SORCS3: variants seen among roughly 807,000 people sequenced by gnomAD.
SORCS3 encodes VPS10 domain-containing receptor SorCS3.
SORCS3 carries 57 observed loss-of-function variants against 146.3 expected under a neutral mutation model. That is an observed-to-expected ratio of 0.39 (90% CI 0.31 to 0.49). SORCS3 has a LOEUF of 0.49. Among genes scored for constraint, SORCS3 ranks in the 20% least tolerant of loss-of-function variants. SORCS3 has a pLI of 0.92. For missense variants in SORCS3, 1,341 were observed against 1,575.5 expected, an observed-to-expected ratio of 0.85 and a Z score of 2.52; for synonymous variants, 653 against 618.5, an observed-to-expected ratio of 1.06 and a Z score of -0.83.
intron 4 of SORCS3, among the ~76,000 whole-genome samples, chr10:104,983,299 C>G (rs553919413): frequency 5.9e-5 from 9 of 151,376 alleles, no homozygotes; most frequent in African/African-American, 1.9e-4. Context: ...ATGCACCGCA[C>G]CCAGCCCCAA....
chr10:104,910,892 G>C (rs1202917183), intron 2 of SORCS3, among the ~76,000 whole-genome samples: 1 of 152,362 alleles, frequency 6.6e-6, no homozygotes, highest in East Asian at 1.9e-4. Context: ...AATTCAGAAT[G>C]GTAACTGGCA....
At chr10:104,803,083 A>G (rs544708162) in intron 1 of SORCS3, among the ~76,000 whole-genome samples, 1 of 152,328 alleles carries the variant, frequency 6.6e-6, no homozygotes, top group Admixed American at 6.5e-5. Flanking sequence ...TCATTGTCAC[A>G]TGCATGCTGA....
intron 1 of SORCS3, among the ~76,000 whole-genome samples, chr10:104,805,063 C>G (rs2017665997): frequency 6.6e-6 from 1 of 152,202 alleles, no homozygotes; most frequent in Non-Finnish European, 1.5e-5. Context: ...TAATACACCT[C>G]ACTCACACAT....
At chr10:104,987,225 A>C (rs559356840) in intron 4 of SORCS3, among the ~76,000 whole-genome samples, 2 of 152,240 alleles carry the variant, frequency 1.3e-5, no homozygotes, top group Middle Eastern at 3.4e-3. Flanking sequence ...AAGGGAGAAA[A>C]AAGGAATGAG....
chr10:104,683,834 T>C (rs1176828948), intron 1 of SORCS3, among the ~76,000 whole-genome samples: 1 of 152,136 alleles, frequency 6.6e-6, no homozygotes, highest in Non-Finnish European at 1.5e-5. Flanking sequence ...GCTGCATGTG[T>C]TTGGTAAGCA....
chr10:104,667,249 C>T (rs963839416), intron 1 of SORCS3, among the ~76,000 whole-genome samples: 26 of 152,162 alleles, frequency 1.7e-4, no homozygotes, highest in African/African-American at 5.1e-4. Flanking sequence ...CTGACTTTCC[C>T]GAGCTCACGT....
rs1450387181 is a variant in SORCS3, at chr10:104,722,770, G to A, written c.627+80816G>A. 4.6e-5 allele frequency among the ~76,000 whole-genome samples: 7 copies of A among 152,272 alleles called. No homozygotes were observed. The East Asian group carries it at 1.2e-3, about 25-fold the overall frequency. On this transcript the variant is annotated intron_variant, in intron 1 of 26. Transcript: ENST00000369701. ...GATTTTCTGGTTTATTTGCATAGAG[G>A]TGTTTATAGTATTCTCTGATGGTAG... is the stretch of plus-strand genomic sequence containing the variant.
In SORCS3 at chr10:105,238,048, C is replaced by T. The variant is rs1172983661; in HGVS notation, c.2869-7494C>T. Among the ~76,000 whole-genome samples the T allele has an allele frequency of 2.6e-5, 4 of 152,184 alleles. No homozygotes were observed. In the South Asian group the frequency reaches 8.3e-4, roughly 32 times the overall value. On this transcript the variant is annotated intron_variant, in intron 20 of 26. Transcript: ENST00000369701. ...CTCCATACCTTCAAGGAGATTATGT[C>T]CCCAATAAGAAAGCACAATGAGCAC...
intron 16 of SORCS3, among the ~76,000 whole-genome samples, chr10:105,207,697 A>T (rs1277236058): frequency 1.3e-5 from 2 of 152,218 alleles, no homozygotes; most frequent in African/African-American, 4.8e-5. Flanking sequence ...AGAAGTCCAC[A>T]GCTTGGAGGC....
intron 19 of SORCS3, among the ~76,000 whole-genome samples, chr10:105,220,554 G>A (rs559086615): frequency 1.3e-5 from 2 of 152,300 alleles, no homozygotes; most frequent in South Asian, 2.1e-4. Context: ...TGGGGAATGG[G>A]CTTCATGCTT....
chr10:104,957,914 A>G (rs1415080681), intron 3 of SORCS3, among the ~76,000 whole-genome samples: 1 of 152,106 alleles, frequency 6.6e-6, no homozygotes. Context: ...TAAAAAACCC[A>G]AACGCCTATG....
Position 105,208,038 on chromosome 10 carries a change from A to T in SORCS3, c.2262-3099A>T, listed in dbSNP as rs558453406. ...AGCCCAATGTTTCCACAGATAAAAA[A>T]TGCTTAGAAATAAGTAATTCAGGCC... On this transcript the variant is annotated intron_variant, in intron 16 of 26. Coordinates refer to ENST00000369701, the MANE Select transcript of SORCS3 (RefSeq NM_014978.3). Among the ~76,000 whole-genome samples the T allele has an allele frequency of 2.0e-5, 3 of 152,266 alleles. No homozygotes were observed. In the South Asian group the frequency reaches 6.2e-4, roughly 32 times the overall value.
At chr10:105,007,967 G>T (rs191873189) in intron 4 of SORCS3, among the ~76,000 whole-genome samples, 56 of 152,258 alleles carry the variant, frequency 3.7e-4, no homozygotes, top group Non-Finnish European at 2.2e-4. Flanking sequence ...GGGACTTAAG[G>T]TTGACCTAAA....
chr10:104,963,324 A>G (rs1477884505), intron 3 of SORCS3, among the ~76,000 whole-genome samples: 1 of 152,164 alleles, frequency 6.6e-6, no homozygotes, highest in African/African-American at 2.4e-5. Context: ...TGGCTTTGCC[A>G]TGGTCACCAA....
At chr10:105,102,007 C>T (rs2055788415) in intron 6 of SORCS3, among the ~76,000 whole-genome samples, 1 of 152,192 alleles carries the variant, frequency 6.6e-6, no homozygotes, top group African/African-American at 2.4e-5. Flanking sequence ...CCCTGCCTTC[C>T]CCTCTCCTCT....
intron 2 of SORCS3, among the ~76,000 whole-genome samples, chr10:104,887,079 T>G (rs1183589716): frequency 6.6e-6 from 1 of 152,256 alleles, no homozygotes; most frequent in South Asian, 2.1e-4. Context: ...GTGTCTCTTT[T>G]ACATGGATTT....
intron 1 of SORCS3, among the ~76,000 whole-genome samples, chr10:104,730,763 T>C (rs1039537687): frequency 1.3e-5 from 2 of 152,200 alleles, no homozygotes; most frequent in Non-Finnish European, 2.9e-5. Context: ...GCAGGAGAGA[T>C]AATGAGAGCC....
intron 4 of SORCS3, 108 bp downstream of exon 4, chr10:104,977,601 A>C (rs2054907838): frequency 1.9e-6 from 2 of 1,032,076 alleles, no homozygotes; most frequent in Non-Finnish European, 2.7e-6. Flanking sequence ...ACATTTCATC[A>C]TTCCAACCCA....
intron 6 of SORCS3, among the ~76,000 whole-genome samples, chr10:105,090,944 C>T (rs1272922837): frequency 6.6e-6 from 1 of 152,132 alleles, no homozygotes; most frequent in African/African-American, 2.4e-5. Context: ...TGTTGGAGGC[C>T]AACCGTAGAT....
Sources: gnomAD v4.1 joint callset for allele counts (sites outside exome capture counted in the v4.1 genomes callset) on GRCh38, gnomAD v4.1.1 for gene constraint, MANE v1.5 for transcripts, NCBI Gene and HGNC (gene_info 2026-07-23, HGNC 2026-07-21) for gene names.